TNRC6B: variants seen among roughly 807,000 people sequenced by gnomAD.
TNRC6B encodes the protein trinucleotide repeat containing adaptor 6B.
Under a neutral mutation model 203.6 loss-of-function variants are expected in TNRC6B, and 52 were observed. The ratio of observed to expected loss-of-function variants is 0.26; its 90% CI spans 0.20 to 0.32. The LOEUF (loss-of-function observed/expected upper bound fraction) is 0.32, where lower values mean the gene tolerates loss of function less well. Among genes scored for constraint, TNRC6B ranks in the 10% least tolerant of loss-of-function variants. The pLI is 1.00. For missense variants in TNRC6B, 1,923 were observed against 2,286.2 expected (o/e 0.84, Z 3.24); for synonymous variants, 838 against 845.7 (o/e 0.99, Z 0.16).
chr22:40,159,671 A>C (rs2068854648), intron 4 of TNRC6B, among the ~76,000 whole-genome samples: 3 of 77,076 alleles, frequency 3.9e-5, no homozygotes, highest in South Asian at 1.0e-3. Context: ...AAAATTTAAA[A>C]AAAAAGAAAG....
At chr22:40,056,886 T>C (rs2067801409) in intron 1 of TNRC6B, among the ~76,000 whole-genome samples, 1 of 152,006 alleles carries the variant, frequency 6.6e-6, no homozygotes, top group African/African-American at 2.4e-5. Context: ...TGGAAGTTGC[T>C]TGAATAGAGA....
intron 1 of TNRC6B, among the ~76,000 whole-genome samples, chr22:40,207,400 C>T (rs2069493452): frequency 8.7e-6 from 1 of 115,424 alleles, no homozygotes; most frequent in African/African-American, 3.0e-5. Flanking sequence ...GAGTGAGACC[C>T]TGCCTCAAAA....
chr22:40,194,111 A>G (rs1352306911), intron 1 of TNRC6B, among the ~76,000 whole-genome samples: 1 of 152,218 alleles, frequency 6.6e-6, no homozygotes, highest in East Asian at 1.9e-4. Context: ...TATGCATGAC[A>G]GTGCGTGTTA....
chr22:40,100,333 G>A (rs1334841508), intron 1 of TNRC6B, among the ~76,000 whole-genome samples: 6 of 151,396 alleles, frequency 4.0e-5, no homozygotes, highest in African/African-American at 1.5e-4. Context: ...CAAGTGATCC[G>A]CCTGCCTTGG....
At chr22:40,078,334 C>G (rs1375770371) in intron 1 of TNRC6B, among the ~76,000 whole-genome samples, 1 of 152,042 alleles carries the variant, frequency 6.6e-6, no homozygotes, top group Non-Finnish European at 1.5e-5. Context: ...CCAGCCTGGG[C>G]AACATAGGGA....
At chr22:40,279,948 G>A in intron 9 of TNRC6B, 47 bp from the exon 10 acceptor site, 1 of 1,599,184 alleles carries the variant, frequency 6.3e-7, no homozygotes, top group Non-Finnish European at 8.6e-7. Flanking sequence ...GTTCATGGGG[G>A]AAACATTGAT....
At chr22:40,280,289 C>A in intron 10 of TNRC6B, 146 bp downstream of exon 10, 1 of 746,342 alleles carries the variant, frequency 1.3e-6, no homozygotes, top group Non-Finnish European at 2.1e-6. Flanking sequence ...ACGTGGTGAC[C>A]TGAAAACCAT....
intron 16 of TNRC6B, 127 bp from the exon 17 acceptor site, chr22:40,310,690 T>C (rs1285684549): frequency 2.1e-6 from 2 of 948,496 alleles, no homozygotes; most frequent in Non-Finnish European, 3.1e-6. Flanking sequence ...TGCAACCTCT[T>C]ATTCCAGTGC....
chr22:40,121,844 G>A (rs947260364), intron 2 of TNRC6B, among the ~76,000 whole-genome samples: 5 of 152,202 alleles, frequency 3.3e-5, no homozygotes, highest in African/African-American at 7.2e-5. Context: ...AACTACAGTC[G>A]CTGCTAAGGT....
At chr22:40,098,987 C>T (rs1261386956) in intron 1 of TNRC6B, among the ~76,000 whole-genome samples, 4 of 152,030 alleles carry the variant, frequency 2.6e-5, no homozygotes, top group East Asian at 3.9e-4. Context: ...CACGGTGGCT[C>T]GCACCTGTAA....
chr22:40,335,153 T>C lies in TNRC6B; in HGVS notation c.*11912T>C, dbSNP rs1193427931. On this transcript the variant is annotated 3_prime_UTR_variant, in exon 23 of 23. Coordinates refer to ENST00000454349, the MANE Select transcript of TNRC6B (RefSeq NM_001162501.2). ...CGCCTGGGGGAGAAAAGGGAGGATG[T>C]GGCATTGTCTTTTTTTTTTTTTTTT... 6.8e-6 allele frequency: 1 copy of C among 146,784 alleles called. No individual in the cohort carries two copies. Among genetic ancestry groups the C allele is most frequent in the East Asian group, 2.0e-4 (1 of 5,002 alleles). The allele number at this position is 146,784 out of a possible 1,614,324, so 9.1% of individuals were successfully genotyped here.
In TNRC6B at chr22:40,312,962, C is replaced by T; in HGVS notation, c.4643C>T (p.Ser1548Phe). The part of the protein sequence containing the change: ...PSPGAWPYSA[S>F]DNSFTNVHST... The stretch of plus-strand genomic sequence containing the variant: ...CCTGGTGCCTGGCCCTACAGTGCCT[C>T]TGACAACTCCTTTACCAACGTTCAT... Residue 1548 changes from serine to phenylalanine, a missense_variant, in exon 19 of 23, where the codon TCT becomes TTT. By Grantham distance (155) the Ser-to-Phe change is radical. Around this residue, in one of 8 missense-constraint regions of TNRC6B, gnomAD observed 159 missense variants for 181.0 expected, o/e 0.88. Transcript: ENST00000454349. The T allele has an allele frequency of 6.2e-7, 1 of 1,613,874 alleles. No homozygotes were observed. Among genetic ancestry groups the T allele is most frequent in the Non-Finnish European group, 8.5e-7 (1 of 1,179,846 alleles).
chr22:40,263,324 A>G (rs1430810998), intron 4 of TNRC6B, among the ~76,000 whole-genome samples: 1 of 152,226 alleles, frequency 6.6e-6, no homozygotes, highest in African/African-American at 2.4e-5. Context: ...AAGGATGGAA[A>G]GAAACCTCGT....
intron 1 of TNRC6B, among the ~76,000 whole-genome samples, chr22:40,206,131 T>A (rs1358701644): frequency 6.6e-6 from 1 of 152,154 alleles, no homozygotes; most frequent in African/African-American, 2.4e-5. Context: ...CCCAGAAATA[T>A]ATTTTTTTAA....
intron 12 of TNRC6B, among the ~76,000 whole-genome samples, chr22:40,286,488 T>C (rs1029764271): frequency 6.6e-6 from 1 of 152,008 alleles, no homozygotes; most frequent in South Asian, 2.1e-4. Flanking sequence ...GCCTGGGTTA[T>C]AGAGCGAGAC....
At chr22:40,288,272 G>C (rs2070814579) in intron 12 of TNRC6B, among the ~76,000 whole-genome samples, 1 of 133,046 alleles carries the variant, frequency 7.5e-6, no homozygotes, top group African/African-American at 2.5e-5. Flanking sequence ...CAGTTCCCAG[G>C]TCTCCAGTCT....
chr22:40,323,396 C>G lies in TNRC6B; in HGVS notation c.*155C>G. On this transcript the variant is annotated 3_prime_UTR_variant, in exon 23 of 23. Coordinates refer to ENST00000454349, the MANE Select transcript of TNRC6B (RefSeq NM_001162501.2). The stretch of plus-strand genomic sequence containing the variant: ...AAAAGGTGGGTCATTGACAGACTGT[C>G]TGAGCACATAGTTGCCTCCCTTATA... The G allele has an allele frequency of 7.6e-6, 7 of 923,236 alleles. No individual in the cohort carries two copies. 57.2% of individuals were successfully genotyped at this position (923,236 alleles called of 1,614,324 possible).
intron 1 of TNRC6B, among the ~76,000 whole-genome samples, chr22:40,223,236 G>A (rs1019926626): frequency 6.6e-6 from 1 of 151,868 alleles, no homozygotes; most frequent in Non-Finnish European, 1.5e-5. Context: ...TGCCTCCTGT[G>A]TTCAAGCAAT....
intron 1 of TNRC6B, among the ~76,000 whole-genome samples, chr22:40,212,961 T>C (rs1308743045): frequency 6.6e-6 from 1 of 152,230 alleles, no homozygotes; most frequent in Non-Finnish European, 1.5e-5. Flanking sequence ...CCCTAATTTT[T>C]AAATTGAATT....
Sources: gnomAD v4.1 joint callset for allele counts (sites outside exome capture counted in the v4.1 genomes callset) on GRCh38, gnomAD v4.1.1 for gene constraint, gnomAD v4.1.1 regional missense constraint, MANE v1.5 for transcripts, NCBI Gene and HGNC (gene_info 2026-07-23, HGNC 2026-07-21) for gene names.